The following NAV3 variants were observed in gnomAD, a reference collection of about 807,000 sequenced individuals.
NAV3 encodes the protein pore membrane and/or filament interacting like protein 1.
A neutral mutation model predicts 244.7 loss-of-function variants in NAV3; 87 were observed. The observed-to-expected ratio is 0.36, with a 90% CI of 0.30 to 0.42. The LOEUF (loss-of-function observed/expected upper bound fraction) is 0.42. NAV3 is among the 20% of genes least tolerant of loss of function. The pLI is 1.00. For synonymous variants in NAV3, 1,126 were observed against 1,042.2 expected (o/e 1.08, Z -1.55); for missense variants, 2,663 against 2,893.3 (o/e 0.92, Z 1.83).
chr12:77,739,469 T>C (rs528733635), intron 2 of NAV3, among the ~76,000 whole-genome samples: 2 of 152,306 alleles, frequency 1.3e-5, no homozygotes, highest in African/African-American at 4.8e-5. Context: ...TCTGTGTATC[T>C]CTAGCATTTA....
intron 2 of NAV3, among the ~76,000 whole-genome samples, chr12:77,737,793 A>G (rs772393006): frequency 6.6e-6 from 1 of 152,184 alleles, no homozygotes; most frequent in African/African-American, 2.4e-5. Context: ...TTCAACAGCC[A>G]CTGTTGTTCT....
At chr12:77,905,164 C>G (rs1885831382) in intron 1 of NAV3, among the ~76,000 whole-genome samples, 1 of 151,934 alleles carries the variant, frequency 6.6e-6, no homozygotes, top group African/African-American at 2.4e-5. Context: ...TGGGGCTTTT[C>G]TAATACCAAA....
chr12:78,112,989 C>T (rs1047716553), intron 12 of NAV3, among the ~76,000 whole-genome samples: 1 of 152,128 alleles, frequency 6.6e-6, no homozygotes, highest in Admixed American at 6.6e-5. Context: ...TGACCAAAAC[C>T]AAGGGGCTAC....
chr12:77,797,669 C>T (rs143276095), intron 2 of NAV3, among the ~76,000 whole-genome samples: 44 of 149,524 alleles, frequency 2.9e-4, no homozygotes, highest in African/African-American at 1.1e-3. Context: ...GGTGAAACCC[C>T]GTCTCTACTA....
At chr12:77,624,079 T>C (rs934746390) in intron 2 of NAV3, among the ~76,000 whole-genome samples, 4 of 152,056 alleles carry the variant, frequency 2.6e-5, no homozygotes, top group Non-Finnish European at 5.9e-5. Flanking sequence ...GTCAGATAGC[T>C]CAGTAAGCAC....
chr12:78,192,092 GTCTA>G (rs1453542840), intron 34 of NAV3, among the ~76,000 whole-genome samples: 1 of 151,954 alleles, frequency 6.6e-6, no homozygotes, highest in African/African-American at 2.4e-5. Context: ...ATATCTATCT[GTCTA>G]TCTATCCATC....
intron 3 of NAV3, among the ~76,000 whole-genome samples, chr12:77,952,514 C>T (rs147570366): frequency 6.6e-6 from 1 of 152,208 alleles, no homozygotes; most frequent in African/African-American, 2.4e-5. Context: ...ACATGACTTA[C>T]TTCATGTAGG....
chr12:77,936,717 A>T (rs1418741578), intron 1 of NAV3, among the ~76,000 whole-genome samples: 1 of 152,186 alleles, frequency 6.6e-6, no homozygotes, highest in Non-Finnish European at 1.5e-5. Flanking sequence ...ATCCAATTTC[A>T]GGACCTGATT....
At chr12:77,774,113 TTAAG>T (rs1206276558) in intron 2 of NAV3, among the ~76,000 whole-genome samples, 1 of 152,184 alleles carries the variant, frequency 6.6e-6, no homozygotes, top group Non-Finnish European at 1.5e-5. Flanking sequence ...CCTTTGAGGA[TTAAG>T]TATCAGTTTA....
Position 78,164,556 on chromosome 12 carries a change from G to A in NAV3, c.4870-4199G>A, listed in dbSNP as rs573650791. On this transcript the variant is annotated intron_variant, in intron 23 of 39. Coordinates refer to ENST00000397909, the MANE Select transcript of NAV3 (RefSeq NM_001024383.2). ...AGTGTTTTTAAAAAATATATTGCTG[G>A]AGTCAGATGATGCATCCATTAATCT... is the stretch of plus-strand genomic sequence containing the variant. Among the ~76,000 whole-genome samples, 154 of 152,122 alleles carry A rather than the reference G, an allele frequency of 1.0e-3. 2 individuals carry two copies. The South Asian group carries it at 0.03, about 30-fold the overall frequency.
chr12:78,188,824 C>A, intron 33 of NAV3, 47 bp downstream of exon 33: 1 of 1,573,488 alleles, frequency 6.4e-7, no homozygotes, highest in Non-Finnish European at 8.7e-7. Context: ...TTTTTAGCAA[C>A]ATTTTATTCT....
chr12:78,107,461 A>G (rs1176499771), intron 12 of NAV3, among the ~76,000 whole-genome samples: 1 of 152,212 alleles, frequency 6.6e-6, no homozygotes, highest in Admixed American at 6.5e-5. Flanking sequence ...CAGACTGTTT[A>G]AAGTCAAAGA....
chr12:78,051,452 G>A (rs768674932), intron 11 of NAV3, among the ~76,000 whole-genome samples: 4 of 152,134 alleles, frequency 2.6e-5, no homozygotes, highest in Non-Finnish European at 5.9e-5. Context: ...AGTTAAGGAC[G>A]TGGGAAGGAG....
At chr12:77,652,618 A>T (rs1872878803) in intron 2 of NAV3, among the ~76,000 whole-genome samples, 1 of 152,158 alleles carries the variant, frequency 6.6e-6, no homozygotes, top group African/African-American at 2.4e-5. Context: ...ATATGTCCAG[A>T]TTCATTGCCA....
At chr12:77,735,720 G>T (rs1158766012) in intron 2 of NAV3, among the ~76,000 whole-genome samples, 2 of 152,008 alleles carry the variant, frequency 1.3e-5, no homozygotes, top group Admixed American at 6.6e-5. Flanking sequence ...TTTAAAATTG[G>T]ATTTTGCAAG....
At chr12:78,127,324 C>A (rs529051138) in intron 17 of NAV3, 116 bp downstream of exon 17, 112 of 1,035,664 alleles carry the variant, frequency 1.1e-4, no homozygotes, top group Non-Finnish European at 1.5e-4. Context: ...AGGACGAAAT[C>A]ACTTTTAATT....
intron 9 of NAV3, among the ~76,000 whole-genome samples, chr12:78,032,690 AT>A (rs1454813979): frequency 6.6e-6 from 1 of 152,200 alleles, no homozygotes; most frequent in Non-Finnish European, 1.5e-5. Flanking sequence ...GATTCATATC[AT>A]GACCTCAATA....
At chr12:78,190,339 T>TTTA in intron 34 of NAV3, 120 bp downstream of exon 34, 1 of 801,176 alleles carries the variant, frequency 1.2e-6, no homozygotes. Context: ...CATCTTTTTT[T>TTTA]TACTAGAATT....
At chr12:78,154,015 T>C (rs1011206468) in intron 22 of NAV3, among the ~76,000 whole-genome samples, 1 of 148,030 alleles carries the variant, frequency 6.8e-6, no homozygotes, top group Non-Finnish European at 1.5e-5. Context: ...TTTATATGGG[T>C]AAATATATAT....
Sources: gnomAD v4.1 joint callset for allele counts (sites outside exome capture counted in the v4.1 genomes callset) on GRCh38, gnomAD v4.1.1 for gene constraint, MANE v1.5 for transcripts, NCBI Gene and HGNC (gene_info 2026-07-23, HGNC 2026-07-21) for gene names.